Variants in PCCA observed in about 807,000 individuals in gnomAD.
The protein encoded by PCCA is propionyl-CoA carboxylase alpha chain, mitochondrial.
Under a neutral mutation model 101.3 loss-of-function variants are expected in PCCA, and 74 were observed. The observed-to-expected ratio is 0.73, with a 90% confidence interval of 0.61 to 0.89. The LOEUF (loss-of-function observed/expected upper bound fraction) is 0.89. Among genes scored for constraint, PCCA ranks in the 40% least tolerant of loss-of-function variants. The probability of loss-of-function intolerance (pLI) is 0.00; values close to 1 mark genes in which losing one functional copy is unlikely to be tolerated. For synonymous variants in PCCA, 294 were observed against 313.6 expected, an observed-to-expected ratio of 0.94 and a Z score of 0.66; for missense variants, 891 against 907.0, an observed-to-expected ratio of 0.98 and a Z score of 0.23.
At chr13:100,474,440 T>TTCTCTCTCTCTCTCTCTCTCTCTCTC (rs58811683) in intron 21 of PCCA, among the ~76,000 whole-genome samples, 7 of 144,288 alleles carry the variant, frequency 4.9e-5, no homozygotes, top group African/African-American at 1.8e-4. Flanking sequence ...TATTTACTGT[T>TTCTCTCTCTCTCTCTCTCTCTCTCTC]TCTCTCTCTC....
intron 12 of PCCA, among the ~76,000 whole-genome samples, chr13:100,298,273 T>C (rs1388561687): frequency 6.6e-6 from 1 of 152,150 alleles, no homozygotes; most frequent in Admixed American, 6.5e-5. Flanking sequence ...TAAAGGTACT[T>C]TGCAAAAGGA....
chr13:100,132,307 T>TCAGACTCCCTTGTGAGTCATTACCCCC, intron 4 of PCCA, among the ~76,000 whole-genome samples: 1 of 152,252 alleles, frequency 6.6e-6, no homozygotes, highest in South Asian at 2.1e-4. Context: ...TCATTACCCC[T>TCAGACTCCCTTGTGAGTCATTACCCCC]CAGACTCCCT....
intron 18 of PCCA, among the ~76,000 whole-genome samples, chr13:100,355,650 A>G (rs2152789104): frequency 6.6e-6 from 1 of 152,312 alleles, no homozygotes; most frequent in East Asian, 1.9e-4. Flanking sequence ...AATGTTGTTG[A>G]AATAAAGATG....
rs539106469 is a variant in PCCA at position 100,298,288 on chromosome 13, G to A, written c.1066-3172G>A. ...TAAAGGTACTTTGCAAAAGGAGGAG[G>A]AAGTGCTGCGCAAGGCCCTTCTCTA... On this transcript the variant is annotated intron_variant, in intron 12 of 23. Transcript: ENST00000376285. Among the ~76,000 whole-genome samples, 8 of 152,254 alleles carry A rather than the reference G, an allele frequency of 5.3e-5. No homozygotes were observed. The East Asian group carries it at 1.4e-3, about 26-fold the overall frequency.
intron 18 of PCCA, among the ~76,000 whole-genome samples, chr13:100,366,663 C>T (rs1056878516): frequency 6.6e-6 from 1 of 152,092 alleles, no homozygotes; most frequent in African/African-American, 2.4e-5. Flanking sequence ...TTGTCTCCCT[C>T]AACTCCCCTG....
At chr13:100,434,885 T>A (rs2079817070) in intron 20 of PCCA, among the ~76,000 whole-genome samples, 1 of 152,202 alleles carries the variant, frequency 6.6e-6, no homozygotes, top group African/African-American at 2.4e-5. Context: ...GAATTCGACC[T>A]CCTCAAATTA....
intron 6 of PCCA, among the ~76,000 whole-genome samples, chr13:100,190,633 C>T (rs780265891): frequency 4.6e-5 from 7 of 152,018 alleles, no homozygotes; most frequent in Non-Finnish European, 7.4e-5. Flanking sequence ...CGAGATTGTG[C>T]TATTGCACTC....
intron 6 of PCCA, among the ~76,000 whole-genome samples, chr13:100,159,057 T>G (rs1158770581): frequency 1.4e-5 from 2 of 147,226 alleles, no homozygotes; most frequent in Non-Finnish European, 3.0e-5. Context: ...AGTTTATGCA[T>G]TTTTTCAGTT....
intron 8 of PCCA, among the ~76,000 whole-genome samples, chr13:100,251,237 C>G (rs907119307): frequency 3.3e-5 from 5 of 152,146 alleles, no homozygotes; most frequent in African/African-American, 1.2e-4. Context: ...TGTGCTCTTA[C>G]ACATAGATCC....
In PCCA at chr13:100,150,763, C is replaced by T. The variant is rs113429722; in HGVS notation, c.301-4216C>T. The T allele has an allele frequency of 3.3e-3, 5,240 of 1,590,024 alleles. 148 individuals carry two copies. In the African/African-American group the frequency reaches 0.061, roughly 19 times the overall value. Reference sequence around the variant, plus strand: ...AGTAAGAATTCAGGACTCTCAAAGCCCCACAGTGGCGTCCAGCTTGCTCCT... The same window carrying T: ...AGTAAGAATTCAGGACTCTCAAAGCTCCACAGTGGCGTCCAGCTTGCTCCT... On this transcript the variant is annotated intron_variant, in intron 4 of 23. Transcript: ENST00000376285.
intron 4 of PCCA, among the ~76,000 whole-genome samples, chr13:100,140,238 AG>A (rs1303618040): frequency 6.6e-6 from 1 of 152,134 alleles, no homozygotes; most frequent in African/African-American, 2.4e-5. Context: ...GGACGTGTAA[AG>A]AGCACAGAGA....
At chr13:100,326,991 G>C (rs935417912) in intron 16 of PCCA, among the ~76,000 whole-genome samples, 6 of 152,078 alleles carry the variant, frequency 3.9e-5, no homozygotes, top group African/African-American at 1.4e-4. Flanking sequence ...GTCATCACCT[G>C]TGCTTTGAAA....
chr13:100,217,596 A>T (rs1336884880), intron 7 of PCCA, among the ~76,000 whole-genome samples: 1 of 151,790 alleles, frequency 6.6e-6, no homozygotes, highest in Non-Finnish European at 1.5e-5. Context: ...TGGCTGAGTG[A>T]TATTCAGTTG....
chr13:100,381,551 A>T (rs2076228662), intron 19 of PCCA, among the ~76,000 whole-genome samples: 1 of 152,214 alleles, frequency 6.6e-6, no homozygotes, highest in Non-Finnish European at 1.5e-5. Flanking sequence ...CTGTTGTATC[A>T]GGAGTATTTA....
intron 7 of PCCA, among the ~76,000 whole-genome samples, chr13:100,220,800 A>G (rs746253663): frequency 6.6e-6 from 1 of 152,210 alleles, no homozygotes; most frequent in Non-Finnish European, 1.5e-5. Flanking sequence ...GAGACCACAG[A>G]CTTAGTCTGA....
intron 22 of PCCA, among the ~76,000 whole-genome samples, chr13:100,517,008 G>C (rs866918014): frequency 2.1e-4 from 29 of 138,706 alleles, no homozygotes; most frequent in Non-Finnish European, 1.2e-4. Flanking sequence ...GCCAGCCTGA[G>C]CTTTCCACTC....
rs138000141 is a variant in PCCA, at chr13:100,211,899, G to A, written c.600+2436G>A. ...GAGACTATAGGTGTGTGCCACCACA[G>A]CTGCCTACTTTTTTATATTTTGTAG... On this transcript the variant is annotated intron_variant, in intron 7 of 23. Transcript: ENST00000376285. Among the ~76,000 whole-genome samples the A allele has an allele frequency of 1.8e-3, 271 of 152,096 alleles. 2 individuals carry two copies. Among genetic ancestry groups the A allele is most frequent in the African/African-American group, 6.2e-3 (259 of 41,508 alleles).
chr13:100,422,993 C>T (rs1317698716), intron 19 of PCCA, among the ~76,000 whole-genome samples: 1 of 149,606 alleles, frequency 6.7e-6, no homozygotes, highest in East Asian at 1.9e-4. Flanking sequence ...TACTAATTTA[C>T]CTTTTTCTCT....
rs1206097168 is a variant in PCCA at position 100,305,538 on chromosome 13, G to A, written c.1285-1654G>A. Among the ~76,000 whole-genome samples, 5 of 152,194 alleles carry A rather than the reference G, an allele frequency of 3.3e-5. No homozygotes were observed. The East Asian group carries it at 9.6e-4, about 29-fold the overall frequency. On this transcript the variant is annotated intron_variant, in intron 14 of 23. Transcript: ENST00000376285. ...TGTATCAGTCTCGTTTGTAAACACAGCATTAGCAAGCATGCTGTGGTTTTA... is the reference window on the plus strand; with the variant it reads ...TGTATCAGTCTCGTTTGTAAACACAACATTAGCAAGCATGCTGTGGTTTTA...
Sources: allele counts gnomAD v4.1 joint callset (sites outside exome capture counted in the v4.1 genomes callset), GRCh38; gene constraint gnomAD v4.1.1; transcripts MANE v1.5; gene names NCBI Gene and HGNC (gene_info 2026-07-23, HGNC 2026-07-21).